The following CHL1 variants were observed in gnomAD, a reference collection of about 807,000 sequenced individuals.
CHL1 encodes the protein neural cell adhesion molecule L1-like protein.
In CHL1, 96 loss-of-function variants were observed where a neutral mutation model predicts 141.9. The ratio of observed to expected loss-of-function variants is 0.68; its 90% confidence interval spans 0.57 to 0.80. CHL1 has a LOEUF of 0.80. CHL1 is among the 30% of genes least tolerant of loss of function. The pLI, the probability that CHL1 is intolerant of heterozygous loss-of-function variation, is 0.00. For synonymous variants in CHL1, 613 were observed against 502.2 expected, an observed-to-expected ratio of 1.22 and a Z score of -2.95; for missense variants, 1,820 against 1,457.2, an observed-to-expected ratio of 1.25 and a Z score of -4.05.
Position 391,120 on chromosome 3 carries a change from C to G in CHL1, c.2752C>G (p.Pro918Ala). Residue 918 changes from proline to alanine, a missense_variant, in exon 22 of 28, where the codon CCT becomes GCT. Coordinates refer to ENST00000256509, the MANE Select transcript of CHL1 (RefSeq NM_006614.4). ...VLAYNSKGAG[P>A]ESEPYIFQTP... ...AGCCTATAACTCTAAAGGAGCTGGT[C>G]CTGAAAGTGAGCCTTATATATTTCA... The G allele has an allele frequency of 6.2e-7, 1 of 1,613,642 alleles. No homozygotes were observed. Among genetic ancestry groups the G allele is most frequent in the Non-Finnish European group, 8.5e-7 (1 of 1,179,658 alleles).
rs1023582969 is a variant in CHL1 at position 408,967 on chromosome 3, G to A, written c.*3256G>A. ...CTCATGGAAGAGATAAGCTAAAGAG[G>A]GGACAATAATGAGAAATGTTGGTGT... On this transcript the variant is annotated 3_prime_UTR_variant, in exon 28 of 28. Coordinates refer to ENST00000256509, the MANE Select transcript of CHL1 (RefSeq NM_006614.4). 2.0e-5 allele frequency: 3 copies of A among 151,870 alleles called. No individual in the cohort carries two copies. In the East Asian group the frequency reaches 5.8e-4, roughly 29 times the overall value. 9.4% of individuals were successfully genotyped at this position (151,870 alleles called of 1,614,324 possible).
chr3:334,111 C>A (rs984508244), intron 5 of CHL1, among the ~76,000 whole-genome samples: 1 of 152,176 alleles, frequency 6.6e-6, no homozygotes, highest in African/African-American at 2.4e-5. Context: ...CATGTACCAC[C>A]ATGCCCACCT....
intron 5 of CHL1, among the ~76,000 whole-genome samples, chr3:332,010 A>C (rs4685598): frequency 0.69 from 104,663 of 152,156 alleles, 38,328 homozygotes; most frequent in Non-Finnish European, 0.82. Flanking sequence ...TCTTTGGAAA[A>C]CATTTTCTAA....
In CHL1 at chr3:221,612, G is replaced by T. The variant is rs145609283; in HGVS notation, c.-174-23001G>T. 1.9e-4 allele frequency among the ~76,000 whole-genome samples: 29 copies of T among 152,298 alleles called. No individual in the cohort carries two copies. The East Asian group carries it at 4.6e-3, about 24-fold the overall frequency. ...AAAAGAGGAAAAGTAGAGGGAATTC[G>T]CATGAGCAACACCTCAGTACTTAAC... On this transcript the variant is annotated intron_variant, in intron 1 of 27. Transcript: ENST00000256509.
intron 10 of CHL1, among the ~76,000 whole-genome samples, chr3:352,945 T>A (rs1703388388): frequency 6.6e-6 from 1 of 152,052 alleles, no homozygotes; most frequent in African/African-American, 2.4e-5. Context: ...GACTTCAGAG[T>A]CTAAATGCTG....
At chr3:265,298 T>A (rs1442761203) in intron 2 of CHL1, among the ~76,000 whole-genome samples, 2 of 152,188 alleles carry the variant, frequency 1.3e-5, no homozygotes, top group African/African-American at 4.8e-5. Context: ...CCTGATAGGT[T>A]TTTATATGAT....
Position 226,289 on chromosome 3 carries a change from G to A in CHL1, c.-174-18324G>A, listed in dbSNP as rs548029393. ...CGCCTGCTTCGGCCTCCCAAAGTGC[G>A]GATCCCAAAGTAGGATTACAGGCAT... On this transcript the variant is annotated intron_variant, in intron 1 of 27. Transcript: ENST00000256509. 1.1e-4 allele frequency among the ~76,000 whole-genome samples: 16 copies of A among 147,154 alleles called. 1 individual carries two copies. Among genetic ancestry groups the A allele is most frequent in the Middle Eastern group, 7.4e-3 (2 of 272 alleles).
At chr3:403,591 T>A (rs910234631) in intron 27 of CHL1, among the ~76,000 whole-genome samples, 15 of 151,696 alleles carry the variant, frequency 9.9e-5, no homozygotes, top group Non-Finnish European at 5.9e-5. Flanking sequence ...CAAAAAAAAA[T>A]TTTGAAAGAC....
At chr3:392,253 G>T (rs1188584079) in intron 23 of CHL1, among the ~76,000 whole-genome samples, 3 of 152,232 alleles carry the variant, frequency 2.0e-5, no homozygotes, top group Non-Finnish European at 2.9e-5. Flanking sequence ...ATTGAGTGAT[G>T]TGATGGAGAT....
At chr3:233,622 A>G (rs1263844141) in intron 1 of CHL1, among the ~76,000 whole-genome samples, 3 of 152,146 alleles carry the variant, frequency 2.0e-5, no homozygotes, top group Non-Finnish European at 4.4e-5. Flanking sequence ...GTTATTTCTC[A>G]TGTAGACATT....
intron 13 of CHL1, among the ~76,000 whole-genome samples, chr3:362,858 A>G (rs1401362035): frequency 6.6e-6 from 1 of 152,208 alleles, no homozygotes; most frequent in East Asian, 1.9e-4. Flanking sequence ...ATCTCTTTCA[A>G]TTACTAGCTT....
At chr3:292,481 T>A (rs1242797455) in intron 2 of CHL1, among the ~76,000 whole-genome samples, 3 of 152,252 alleles carry the variant, frequency 2.0e-5, no homozygotes, top group Non-Finnish European at 4.4e-5. Context: ...ACAAGACCAC[T>A]GGTGGAAATT....
intron 19 of CHL1, among the ~76,000 whole-genome samples, chr3:387,649 C>T (rs773533121): frequency 2.0e-5 from 3 of 152,162 alleles, no homozygotes; most frequent in Non-Finnish European, 4.4e-5. Flanking sequence ...TCAGCAGAGA[C>T]TGAAGAAAAC....
chr3:289,919 C>T (rs921299639), intron 2 of CHL1, among the ~76,000 whole-genome samples: 2 of 146,996 alleles, frequency 1.4e-5, no homozygotes, highest in Admixed American at 6.8e-5. Context: ...AGATACATTG[C>T]TCCACTGGTA....
At chr3:303,173 C>T (rs574809146) in intron 2 of CHL1, among the ~76,000 whole-genome samples, 8 of 152,170 alleles carry the variant, frequency 5.3e-5, no homozygotes, top group South Asian at 4.1e-4. Flanking sequence ...AGTTAGGTAG[C>T]GTGATGCCTC....
chr3:262,642 G>A, intron 2 of CHL1, among the ~76,000 whole-genome samples: 1 of 152,192 alleles, frequency 6.6e-6, no homozygotes, highest in East Asian at 1.9e-4. Flanking sequence ...AAGACAACAG[G>A]GAGTGGTAAG....
At chr3:226,812 C>T (rs910878218) in intron 1 of CHL1, among the ~76,000 whole-genome samples, 23 of 152,234 alleles carry the variant, frequency 1.5e-4, no homozygotes, top group African/African-American at 5.1e-4. Context: ...CAAAATGTTG[C>T]CTTTCTTCTC....
At chr3:281,477 A>G (rs932446911) in intron 2 of CHL1, among the ~76,000 whole-genome samples, 2 of 151,078 alleles carry the variant, frequency 1.3e-5, no homozygotes, top group Non-Finnish European at 3.0e-5. Flanking sequence ...TCTCTTGTTG[A>G]TGGTTCACCT....
At chr3:216,871 T>C (rs920551687) in intron 1 of CHL1, among the ~76,000 whole-genome samples, 6 of 152,224 alleles carry the variant, frequency 3.9e-5, no homozygotes, top group Non-Finnish European at 8.8e-5. Context: ...TAACACTGAA[T>C]TCAGCAGTGC....
Sources: gnomAD v4.1 joint callset for allele counts (sites outside exome capture counted in the v4.1 genomes callset) on GRCh38, gnomAD v4.1.1 for gene constraint, MANE v1.5 for transcripts, NCBI Gene and HGNC (gene_info 2026-07-23, HGNC 2026-07-21) for gene names.